The following VPS13B variants were observed in gnomAD, a reference collection of about 807,000 sequenced individuals.
VPS13B encodes the protein intermembrane lipid transfer protein VPS13B.
Under a neutral mutation model 426.4 loss-of-function variants are expected in VPS13B, and 285 were observed. The ratio of observed to expected loss-of-function variants is 0.67; its 90% CI spans 0.61 to 0.74. The LOEUF (loss-of-function observed/expected upper bound fraction) is 0.74, where lower values mean the gene tolerates loss of function less well. Among genes scored for constraint, VPS13B ranks in the 30% least tolerant of loss-of-function variants. VPS13B has a pLI of 0.00. For missense variants in VPS13B, 4,537 were observed against 4,782.6 expected, an observed-to-expected ratio of 0.95 and a Z score of 1.51; for synonymous variants, 1,676 against 1,676.4, an observed-to-expected ratio of 1.00 and a Z score of 0.01.
At chr8:99,284,182 G>A (rs1156892883) in intron 19 of VPS13B, among the ~76,000 whole-genome samples, 1 of 152,068 alleles carries the variant, frequency 6.6e-6, no homozygotes, top group Non-Finnish European at 1.5e-5. Flanking sequence ...ACAAAACAAA[G>A]CATATGTATA....
rs771742532 is a variant in VPS13B at position 99,470,702 on chromosome 8, G to C, written c.3666+3068G>C. Among the ~76,000 whole-genome samples the C allele has an allele frequency of 2.0e-5, 3 of 149,106 alleles. No individual in the cohort carries two copies. In the Admixed American group the frequency reaches 2.1e-4, roughly 10 times the overall value. On this transcript the variant is annotated intron_variant, in intron 24 of 61. Coordinates refer to ENST00000357162, the MANE Select transcript of VPS13B (RefSeq NM_152564.5). The stretch of plus-strand genomic sequence containing the variant: ...ACTACTTGGAGTTTCAGAAGGAGAG[G>C]ATAAAAGGATTGGGATAGAAAAAAA...
At chr8:99,732,477 C>G (rs1243693165) in intron 39 of VPS13B, among the ~76,000 whole-genome samples, 2 of 152,142 alleles carry the variant, frequency 1.3e-5, no homozygotes, top group Non-Finnish European at 2.9e-5. Flanking sequence ...ATCCCAGAGC[C>G]CAGAATTTTG....
At chr8:99,172,322 T>G (rs1812384625) in intron 16 of VPS13B, among the ~76,000 whole-genome samples, 1 of 152,066 alleles carries the variant, frequency 6.6e-6, no homozygotes, top group Non-Finnish European at 1.5e-5. Flanking sequence ...ATGGAAAACA[T>G]GGAGGGGTAA....
chr8:99,353,792 C>T (rs977418457), intron 19 of VPS13B, among the ~76,000 whole-genome samples: 2 of 152,092 alleles, frequency 1.3e-5, no homozygotes, highest in Non-Finnish European at 2.9e-5. Flanking sequence ...TCTTAGATTT[C>T]ATATCCTTGA....
At chr8:99,672,389 A>T (rs1023987626) in intron 35 of VPS13B, among the ~76,000 whole-genome samples, 2 of 152,084 alleles carry the variant, frequency 1.3e-5, no homozygotes, top group African/African-American at 4.8e-5. Flanking sequence ...TTATGAAATG[A>T]GATTGTTTTC....
chr8:99,394,888 A>C (rs1351918900), intron 21 of VPS13B, among the ~76,000 whole-genome samples: 1 of 152,226 alleles, frequency 6.6e-6, no homozygotes, highest in Non-Finnish European at 1.5e-5. Flanking sequence ...AATGATGTAG[A>C]TTTGGTAGAT....
At chr8:99,649,791 T>C (rs903292413) in intron 34 of VPS13B, among the ~76,000 whole-genome samples, 2 of 152,152 alleles carry the variant, frequency 1.3e-5, no homozygotes, top group African/African-American at 4.8e-5. Context: ...AATATTCCTG[T>C]TGGAGCTTTG....
At chr8:99,292,824 C>T (rs1414077529) in intron 19 of VPS13B, among the ~76,000 whole-genome samples, 1 of 152,096 alleles carries the variant, frequency 6.6e-6, no homozygotes, top group African/African-American at 2.4e-5. Flanking sequence ...TTGTAACTTT[C>T]CTAAGATACA....
chr8:99,184,216 C>T (rs1043327764), intron 16 of VPS13B, among the ~76,000 whole-genome samples: 5 of 152,100 alleles, frequency 3.3e-5, no homozygotes, highest in African/African-American at 1.2e-4. Context: ...TTAATGGTTT[C>T]ATTTCTCTTG....
At chr8:99,602,902 A>C (rs536165527) in intron 33 of VPS13B, among the ~76,000 whole-genome samples, 1 of 152,360 alleles carries the variant, frequency 6.6e-6, no homozygotes, top group African/African-American at 2.4e-5. Flanking sequence ...ATGGAAAAAC[A>C]TTCCATGTTC....
At chr8:99,338,195 T>C (rs1811037683) in intron 19 of VPS13B, among the ~76,000 whole-genome samples, 1 of 152,152 alleles carries the variant, frequency 6.6e-6, no homozygotes, top group South Asian at 2.1e-4. Context: ...GTTTTCTTTC[T>C]ATATTTTATT....
At chr8:99,451,508 C>A (rs768793131) in intron 23 of VPS13B, among the ~76,000 whole-genome samples, 1 of 152,132 alleles carries the variant, frequency 6.6e-6, no homozygotes, top group Non-Finnish European at 1.5e-5. Context: ...CTATTGATAT[C>A]TTTTCCTAGG....
intron 35 of VPS13B, among the ~76,000 whole-genome samples, chr8:99,676,821 A>G (rs2129939233): frequency 6.6e-6 from 1 of 152,160 alleles, no homozygotes; most frequent in Non-Finnish European, 1.5e-5. Flanking sequence ...TCAAAGCAAA[A>G]TAAAATATTT....
intron 30 of VPS13B, among the ~76,000 whole-genome samples, chr8:99,522,672 G>A (rs1011200409): frequency 6.6e-6 from 1 of 152,108 alleles, no homozygotes; most frequent in African/African-American, 2.4e-5. Flanking sequence ...GGGTGACCCT[G>A]TAGACCAAGG....
At chr8:99,165,692 G>A (rs1811962896) in intron 15 of VPS13B, among the ~76,000 whole-genome samples, 1 of 152,134 alleles carries the variant, frequency 6.6e-6, no homozygotes, top group Admixed American at 6.6e-5. Flanking sequence ...ACATAAATTG[G>A]CATATTTATT....
intron 43 of VPS13B, among the ~76,000 whole-genome samples, chr8:99,807,891 A>T (rs574931454): frequency 1.9e-3 from 281 of 150,234 alleles, no homozygotes; most frequent in African/African-American, 6.5e-3. Flanking sequence ...AAAAAAAAAA[A>T]GCCCTATCTT....
chr8:99,106,651 A>G (rs907338685), intron 5 of VPS13B, among the ~76,000 whole-genome samples: 1 of 152,088 alleles, frequency 6.6e-6, no homozygotes, highest in Admixed American at 6.6e-5. Context: ...ACACCATAGT[A>G]GGGTTTGGAC....
At chr8:99,291,151 G>C (rs1389877287) in intron 19 of VPS13B, among the ~76,000 whole-genome samples, 1 of 151,994 alleles carries the variant, frequency 6.6e-6, no homozygotes, top group Admixed American at 6.6e-5. Context: ...GAATATTAAT[G>C]GGTTGGAATT....
At chr8:99,229,010 A>T (rs1376231298) in intron 17 of VPS13B, among the ~76,000 whole-genome samples, 1 of 152,166 alleles carries the variant, frequency 6.6e-6, no homozygotes, top group Non-Finnish European at 1.5e-5. Flanking sequence ...GTGCGCTGTT[A>T]AAAATGGCAT....
Sources: gnomAD v4.1 joint callset for allele counts (sites outside exome capture counted in the v4.1 genomes callset) on GRCh38, gnomAD v4.1.1 for gene constraint, MANE v1.5 for transcripts, NCBI Gene and HGNC (gene_info 2026-07-23, HGNC 2026-07-21) for gene names.